The following DNAJC13 variants were observed in gnomAD, a reference collection of about 807,000 sequenced individuals.
DNAJC13 encodes DnaJ heat shock protein family (Hsp40) member C13, also known as dnaJ homolog subfamily C member 13.
A neutral mutation model predicts 290.5 loss-of-function variants in DNAJC13; 75 were observed. The observed-to-expected ratio is 0.26, with a 90% confidence interval of 0.21 to 0.31. The LOEUF is 0.31. Ranked by LOEUF, DNAJC13 falls within the 10% of genes least tolerant of loss-of-function variation. The pLI, the probability that DNAJC13 is intolerant of heterozygous loss-of-function variation, is 1.00. For missense variants in DNAJC13, 2,260 were observed against 2,674.5 expected, an observed-to-expected ratio of 0.85 and a Z score of 3.42; for synonymous variants, 862 against 892.0, an observed-to-expected ratio of 0.97 and a Z score of 0.60.
At chr3:132,427,163 A>T (rs1243382632) in intron 1 of DNAJC13, among the ~76,000 whole-genome samples, 2 of 133,820 alleles carry the variant, frequency 1.5e-5, no homozygotes, top group Admixed American at 8.2e-5. Flanking sequence ...ACAGGGTCTG[A>T]CTCTGTCTCC....
At position 132,468,763 on chromosome 3, in the gene DNAJC13, A is replaced by C. The variant is rs140350226; in HGVS notation, c.2208+1450A>C. 2.6e-3 allele frequency among the ~76,000 whole-genome samples: 403 copies of C among 152,324 alleles called. 3 individuals are homozygous for C. Among genetic ancestry groups the C allele is most frequent in the African/African-American group, 8.2e-3 (340 of 41,578 alleles). On this transcript the variant is annotated intron_variant, in intron 20 of 55. Coordinates refer to ENST00000260818, the MANE Select transcript of DNAJC13 (RefSeq NM_015268.4). ...GATAATACTGGTATAGCATTTGAACAGTTGAAAAATCTACAGATATGAATG... is the reference window on the plus strand; with the variant it reads ...GATAATACTGGTATAGCATTTGAACCGTTGAAAAATCTACAGATATGAATG...
chr3:132,477,008 G>A (rs1934494853), intron 22 of DNAJC13, among the ~76,000 whole-genome samples: 1 of 152,140 alleles, frequency 6.6e-6, no homozygotes, highest in Non-Finnish European at 1.5e-5. Context: ...TCACCTGTGA[G>A]CCTAGAAACC....
chr3:132,499,411 T>A, intron 37 of DNAJC13, 101 bp downstream of exon 37: 3 of 1,033,754 alleles, frequency 2.9e-6, no homozygotes, highest in Non-Finnish European at 4.1e-6. Flanking sequence ...ATTCTTTAAT[T>A]TATTTCAGCA....
Position 132,456,413 on chromosome 3 carries a change from T to C in DNAJC13, c.1099+12T>C. On this transcript the variant is annotated intron_variant, in intron 10 of 55. Transcript: ENST00000260818. Reference sequence around the variant, plus strand: ...AGCTACGCCTCCAAGTAAGTATTGATTTAAATGTAATTACATTTCCACTCA... The same window carrying C: ...AGCTACGCCTCCAAGTAAGTATTGACTTAAATGTAATTACATTTCCACTCA... 6.2e-7 allele frequency: 1 copy of C among 1,611,442 alleles called. No individual in the cohort carries two copies. The highest frequency in any genetic ancestry group is 8.5e-7 in the Non-Finnish European group (1 of 1,179,178).
At chr3:132,510,481 C>T (rs1035465871) in intron 43 of DNAJC13, among the ~76,000 whole-genome samples, 1 of 152,062 alleles carries the variant, frequency 6.6e-6, no homozygotes, top group African/African-American at 2.4e-5. Context: ...TCTCAGCCTC[C>T]CAAGTAACTG....
At chr3:132,434,014 C>G (rs577839830) in intron 1 of DNAJC13, among the ~76,000 whole-genome samples, 4 of 152,256 alleles carry the variant, frequency 2.6e-5, no homozygotes, top group Non-Finnish European at 4.4e-5. Context: ...GAGATCGAGA[C>G]CATCCTCGCT....
intron 52 of DNAJC13, 27 bp from the exon 53 acceptor site, chr3:132,526,114 A>T (rs1559913779): frequency 6.2e-7 from 1 of 1,613,034 alleles, no homozygotes. Flanking sequence ...GCCAGTCTAC[A>T]AGTAACCTTC....
chr3:132,479,231 C>T lies in DNAJC13; in HGVS notation c.2714C>T (p.Thr905Ile). 2 of 1,603,350 alleles carry T rather than the reference C, an allele frequency of 1.2e-6. No homozygotes were observed. Among genetic ancestry groups the T allele is most frequent in the South Asian group, 1.1e-5 (1 of 90,670 alleles). The part of the protein sequence containing the change: ...RYIIGMLERC[T>I]DKLERDRLIL... ...GATTCTCATTTATTTCAATAGTGCA[C>T]AGATAAACTTGAACGAGATAGGTTG... The change falls in exon 25 of 56, where the codon ACA becomes ATA. Residue 905 changes from threonine to isoleucine, a missense_variant. Coordinates refer to ENST00000260818, the MANE Select transcript of DNAJC13 (RefSeq NM_015268.4).
intron 1 of DNAJC13, among the ~76,000 whole-genome samples, chr3:132,418,663 C>G (rs542905781): frequency 1.3e-5 from 2 of 152,266 alleles, no homozygotes; most frequent in East Asian, 3.9e-4. Context: ...GATGCTGTTG[C>G]GTCCTCTATG....
intron 14 of DNAJC13, 30 bp downstream of exon 14, chr3:132,460,387 T>G (rs1439561373): frequency 5.5e-6 from 8 of 1,452,348 alleles, no homozygotes; most frequent in Non-Finnish European, 7.7e-6. Context: ...GTCTTCATGG[T>G]AGATACCATA....
At position 132,461,075 on chromosome 3, in the gene DNAJC13, T is replaced by C. The variant is rs926605426; in HGVS notation, c.1583T>C (p.Ile528Thr). ...HVDHGTGALV[I>T]SSLLDFLTFA... ...GATCATGGGACTGGTGCCCTAGTTA[T>C]TAGTTCGCTCTTGGACTTCCTTACC... Residue 528 changes from isoleucine (I) to threonine (T), a missense_variant, in exon 15 of 56, where the codon ATT becomes ACT. Physicochemically the swap from Ile to Thr is moderately conservative, Grantham distance 89 (BLOSUM62 -1). This residue lies in a region of DNAJC13 where 762 missense variants were observed against 964.1 expected (regional missense o/e 0.79). Transcript: ENST00000260818. The C allele has an allele frequency of 8.1e-6, 13 of 1,614,066 alleles. No individual in the cohort carries two copies. Among genetic ancestry groups the C allele is most frequent in the Non-Finnish European group, 1.1e-5 (13 of 1,179,958 alleles).
rs2107763859 is a variant in DNAJC13, at chr3:132,538,724, C to CA, written c.*443dup. ...CAAGTCTGCGTGGCCATCCTCCCCCCACCATCCAAGACTATTAGGTTTTGT... is the reference window on the plus strand; with the variant it reads ...CAAGTCTGCGTGGCCATCCTCCCCCCAACCATCCAAGACTATTAGGTTTTGT... On this transcript the variant is annotated 3_prime_UTR_variant, in exon 56 of 56. Coordinates refer to ENST00000260818, the MANE Select transcript of DNAJC13 (RefSeq NM_015268.4). The CA allele has an allele frequency of 6.4e-6, 1 of 156,586 alleles. No individual in the cohort carries two copies. Among genetic ancestry groups the CA allele is most frequent in the African/African-American group, 2.4e-5 (1 of 41,570 alleles). 9.7% of individuals were successfully genotyped at this position (156,586 alleles called of 1,614,324 possible). A position where few individuals can be genotyped will look rare whatever the true frequency, so the allele number is the denominator to read the frequency against.
rs767921223 is a variant in DNAJC13 at position 132,480,380 on chromosome 3, G to C, written c.2784G>C (p.Lys928Asn). ...NKLILNKKNV[K>N]DLMDSNGIRI... The stretch of plus-strand genomic sequence containing the variant: ...TTTTCCTCTTCCAGAAAAATGTTAA[G>C]GATCTCATGGATTCAAATGGAATAA... Residue 928 changes from lysine to asparagine, a missense_variant, in exon 26 of 56, where the codon AAG becomes AAC. Lys to Asn is a moderately conservative substitution (Grantham distance 94). This residue lies in a region of DNAJC13 where 1,494 missense variants were observed against 1,693.7 expected (regional missense o/e 0.88). Transcript: ENST00000260818. 13 of 1,610,716 alleles carry C rather than the reference G, an allele frequency of 8.1e-6. No individual in the cohort carries two copies. Among genetic ancestry groups the C allele is most frequent in the Admixed American group, 5.0e-5 (3 of 59,502 alleles).
chr3:132,531,141 C>G (rs1472289823), intron 55 of DNAJC13, 44 bp downstream of exon 55: 1 of 1,523,734 alleles, frequency 6.6e-7, no homozygotes, highest in Non-Finnish European at 9.1e-7. Context: ...CTGGCAGAAG[C>G]CACTTGGACC....
intron 36 of DNAJC13, among the ~76,000 whole-genome samples, chr3:132,498,358 T>G (rs528884086): frequency 7.7e-4 from 117 of 152,258 alleles, no homozygotes; most frequent in Middle Eastern, 3.4e-3. Context: ...TTCAGTGTCA[T>G]GTAAATGTCT....
chr3:132,520,436 C>A (rs1013392448), intron 48 of DNAJC13, among the ~76,000 whole-genome samples: 3 of 152,146 alleles, frequency 2.0e-5, no homozygotes, highest in African/African-American at 7.2e-5. Flanking sequence ...GTATACACAC[C>A]AGTGAGTAAT....
In DNAJC13 at chr3:132,499,272, C is replaced by T. The variant is rs1935337638; in HGVS notation, c.4303C>T (p.Leu1435Phe). Residue 1435 changes from leucine (L) to phenylalanine (F), a missense_variant, in exon 37 of 56, where the codon CTC (leucine) becomes TTC (phenylalanine). Physicochemically the swap from Leu to Phe is conservative, Grantham distance 22. Around this residue, in one of 3 missense-constraint regions of DNAJC13, gnomAD observed 1,494 missense variants for 1,693.7 expected, o/e 0.88. Coordinates refer to ENST00000260818, the MANE Select transcript of DNAJC13 (RefSeq NM_015268.4). Reference protein sequence around the residue: ...LAFHTVNCSALNAEELRRENG... With the variant: ...LAFHTVNCSAFNAEELRRENG... ...TTTCCATACTGTCAACTGTTCAGCC[C>T]TCAATGCTGAAGAGCTCAGAAGAGA... 3 of 1,613,388 alleles carry T rather than the reference C, an allele frequency of 1.9e-6. No homozygotes were observed. Among genetic ancestry groups the T allele is most frequent in the African/African-American group, 1.3e-5 (1 of 74,882 alleles).
chr3:132,518,568 G>A (rs896640947), intron 48 of DNAJC13, among the ~76,000 whole-genome samples: 10 of 152,112 alleles, frequency 6.6e-5, no homozygotes, highest in Non-Finnish European at 1.0e-4. Flanking sequence ...TGTTGCCCAG[G>A]CTGGTCTCAA....
chr3:132,481,308 C>T (rs1934665836), intron 26 of DNAJC13, among the ~76,000 whole-genome samples: 1 of 152,154 alleles, frequency 6.6e-6, no homozygotes, highest in Non-Finnish European at 1.5e-5. Flanking sequence ...AAAGAACAGG[C>T]CAGGCACAGT....
Sources: gnomAD v4.1 joint callset for allele counts (sites outside exome capture counted in the v4.1 genomes callset) on GRCh38, gnomAD v4.1.1 for gene constraint, gnomAD v4.1.1 regional missense constraint, MANE v1.5 for transcripts, NCBI Gene and HGNC (gene_info 2026-07-23, HGNC 2026-07-21) for gene names.